RBFOX1: variants seen among roughly 807,000 people sequenced by gnomAD.
RBFOX1 encodes the protein RNA binding protein fox-1 homolog 1.
In RBFOX1, 8 loss-of-function variants were observed where a neutral mutation model predicts 57.7. The ratio of observed to expected loss-of-function variants is 0.14; its 90% confidence interval spans 0.08 to 0.25. The LOEUF (loss-of-function observed/expected upper bound fraction) is 0.25, where lower values mean the gene tolerates loss of function less well. Ranked by LOEUF, RBFOX1 falls within the 10% of genes least tolerant of loss-of-function variation. The probability of loss-of-function intolerance (pLI) is 1.00; values close to 1 mark genes in which losing one functional copy is unlikely to be tolerated. For synonymous variants in RBFOX1, 326 were observed against 222.4 expected, an observed-to-expected ratio of 1.47 and a Z score of -4.15; for missense variants, 611 against 548.5, an observed-to-expected ratio of 1.11 and a Z score of -1.14.
intron 4 of RBFOX1, among the ~76,000 whole-genome samples, chr16:7,123,500 G>C (rs111330603): frequency 2.2e-4 from 33 of 152,196 alleles, no homozygotes; most frequent in African/African-American, 7.9e-4. Context: ...GAGTAGCTGA[G>C]ACTACAGGTG....
intron 2 of RBFOX1, among the ~76,000 whole-genome samples, chr16:6,391,428 T>G (rs914913671): frequency 2.7e-5 from 4 of 149,140 alleles, no homozygotes; most frequent in African/African-American, 1.0e-4. Context: ...GAGAATGACG[T>G]GAACCCGGGA....
intron 4 of RBFOX1, among the ~76,000 whole-genome samples, chr16:5,955,118 T>TTAAAAAAAA (rs2059599305): frequency 7.0e-5 from 1 of 14,286 alleles, no homozygotes; most frequent in African/African-American, 3.6e-4. Flanking sequence ...CCATCTCTAC[T>TTAAAAAAAA]AAAAAAAAAA....
intron 3 of RBFOX1, chr16:6,703,894 C>G (rs2062260007): frequency 6.6e-6 from 1 of 152,162 alleles, no homozygotes; most frequent in African/African-American, 2.4e-5. Context: ...GAGGCTACAG[C>G]AGACTCCTCC....
chr16:7,517,919 T>C (rs141420790), intron 4 of RBFOX1, among the ~76,000 whole-genome samples: 109 of 152,212 alleles, frequency 7.2e-4, no homozygotes, highest in African/African-American at 2.3e-3. Flanking sequence ...ATCTTTATCT[T>C]TCCAAGCCTC....
intron 2 of RBFOX1, among the ~76,000 whole-genome samples, chr16:6,636,386 G>A (rs2098434124): frequency 6.6e-6 from 1 of 152,052 alleles, no homozygotes; most frequent in Non-Finnish European, 1.5e-5. Flanking sequence ...TAGCCAGGAT[G>A]GTCTCGATCT....
chr16:5,257,599 T>A (rs1444746652), intron 1 of RBFOX1, among the ~76,000 whole-genome samples: 4 of 152,094 alleles, frequency 2.6e-5, no homozygotes, highest in Non-Finnish European at 5.9e-5. Flanking sequence ...TGGCGCTGAG[T>A]TCTTGGACAC....
intron 3 of RBFOX1, among the ~76,000 whole-genome samples, chr16:6,657,804 T>C (rs1238981283): frequency 6.6e-6 from 1 of 152,168 alleles, no homozygotes; most frequent in Non-Finnish European, 1.5e-5. Flanking sequence ...AGAGAACTGG[T>C]GGTGCTTTCT....
rs1555517591 is a variant in RBFOX1, at chr16:7,496,753, A to AAAAAAC, written c.28-21389_28-21388insCAAAAA. Reference sequence around the variant, plus strand: ...TAGAAAAGACTACAGAACAGAAAAAAAAAAAACAGTTTGCATTGTGTAATT... The same window carrying AAAAAAC: ...TAGAAAAGACTACAGAACAGAAAAAAAAAAACAAAAAACAGTTTGCATTGTGTAATT... On this transcript the variant is annotated intron_variant, in intron 4 of 15. Coordinates refer to ENST00000550418, the MANE Select transcript of RBFOX1 (RefSeq NM_018723.4). 2.6e-5 allele frequency among the ~76,000 whole-genome samples: 4 copies of AAAAAAC among 151,680 alleles called. No homozygotes were observed. The East Asian group carries it at 7.7e-4, about 29-fold the overall frequency.
At chr16:6,685,802 C>A (rs960905003) in intron 3 of RBFOX1, among the ~76,000 whole-genome samples, 1 of 152,134 alleles carries the variant, frequency 6.6e-6, no homozygotes, top group Admixed American at 6.5e-5. Flanking sequence ...ACAGCCTTCA[C>A]TCAATGTTGT....
intron 4 of RBFOX1, among the ~76,000 whole-genome samples, chr16:7,381,153 C>T (rs115462659): frequency 6.6e-6 from 1 of 152,168 alleles, no homozygotes; most frequent in African/African-American, 2.4e-5. Context: ...GTTCTAGATG[C>T]TTGAACTTCT....
intron 4 of RBFOX1, among the ~76,000 whole-genome samples, chr16:7,296,722 C>T (rs953175654): frequency 8.5e-5 from 13 of 152,260 alleles, no homozygotes; most frequent in African/African-American, 2.9e-4. Flanking sequence ...GCCATGCAAC[C>T]GTTTTCAGAG....
chr16:6,797,024 G>T (rs1050806230), intron 3 of RBFOX1, among the ~76,000 whole-genome samples: 4 of 152,128 alleles, frequency 2.6e-5, no homozygotes, highest in African/African-American at 9.7e-5. Context: ...TCAAGATTTG[G>T]ACTGCTGGTC....
chr16:7,697,352 C>T lies in RBFOX1; in HGVS notation c.996-11704C>T, dbSNP rs150077926. ...CCCCACTCTTGTTCTAAGGGTCTAT[C>T]AGTTAATTCCATGGAGCACCAAGGC... On this transcript the variant is annotated intron_variant, in intron 14 of 15. Coordinates refer to ENST00000550418, the MANE Select transcript of RBFOX1 (RefSeq NM_018723.4). 1.6e-3 allele frequency among the ~76,000 whole-genome samples: 247 copies of T among 152,292 alleles called. 1 individual carries two copies. Among genetic ancestry groups the T allele is most frequent in the African/African-American group, 5.7e-3 (238 of 41,550 alleles).
chr16:6,805,378 G>C (rs1044059632), intron 3 of RBFOX1, among the ~76,000 whole-genome samples: 2 of 152,112 alleles, frequency 1.3e-5, no homozygotes, highest in Non-Finnish European at 2.9e-5. Context: ...GCAGACTTTG[G>C]GGTCTCCTGG....
At chr16:5,286,145 A>C (rs977160265) in intron 1 of RBFOX1, among the ~76,000 whole-genome samples, 1 of 152,148 alleles carries the variant, frequency 6.6e-6, no homozygotes, top group South Asian at 2.1e-4. Context: ...GTCCTTCGGC[A>C]TCATTGGTAG....
At chr16:6,233,089 A>G (rs2097477557) in intron 1 of RBFOX1, among the ~76,000 whole-genome samples, 1 of 152,142 alleles carries the variant, frequency 6.6e-6, no homozygotes, top group Non-Finnish European at 1.5e-5. Flanking sequence ...TTACTGAGGC[A>G]GGGCCAGCTG....
At chr16:7,532,357 A>G (rs985056410) in intron 5 of RBFOX1, among the ~76,000 whole-genome samples, 1 of 152,164 alleles carries the variant, frequency 6.6e-6, no homozygotes, top group Non-Finnish European at 1.5e-5. Context: ...GATGAGCCCC[A>G]GAGAGTTTCT....
chr16:6,561,787 G>C (rs1304017710), intron 2 of RBFOX1, among the ~76,000 whole-genome samples: 1 of 152,184 alleles, frequency 6.6e-6, no homozygotes, highest in East Asian at 1.9e-4. Context: ...TTAGTGGACA[G>C]ATTTCTGAAC....
At chr16:6,393,030 A>G (rs1415980992) in intron 2 of RBFOX1, among the ~76,000 whole-genome samples, 2 of 152,190 alleles carry the variant, frequency 1.3e-5, no homozygotes, top group Non-Finnish European at 2.9e-5. Context: ...AGGGAGGTTG[A>G]ACAATAGGCT....
Sources: gnomAD v4.1 joint callset for allele counts (sites outside exome capture counted in the v4.1 genomes callset) on GRCh38, gnomAD v4.1.1 for gene constraint, MANE v1.5 for transcripts, NCBI Gene and HGNC (gene_info 2026-07-23, HGNC 2026-07-21) for gene names.